Variants in ABCA9 observed in about 807,000 individuals in gnomAD.
The protein encoded by ABCA9 is ATP-binding cassette sub-family A member 9.
ABCA9 carries 183 observed loss-of-function variants against 205.3 expected under a neutral mutation model. The observed-to-expected ratio is 0.89, with a 90% CI of 0.79 to 1.01. ABCA9 has a LOEUF of 1.01. Ranked by LOEUF, ABCA9 falls within the 50% of genes least tolerant of loss-of-function variation. The probability of loss-of-function intolerance (pLI) is 0.00; values close to 1 mark genes in which losing one functional copy is unlikely to be tolerated. For synonymous variants in ABCA9, 651 were observed against 683.3 expected, an observed-to-expected ratio of 0.95 and a Z score of 0.74; for missense variants, 1,805 against 1,912.4, an observed-to-expected ratio of 0.94 and a Z score of 1.05.
Position 68,992,762 on chromosome 17 carries a change from G to A in ABCA9, c.3624+254C>T, listed in dbSNP as rs563018555. On this transcript the variant is annotated intron_variant, in intron 27 of 38. Transcript: ENST00000340001. ...CGGGAGGTGGAGGTTGTGGTGAGCT[G>A]AGATAGCGCCATTGCACTCCAGTCT... The A allele has an allele frequency of 1.6e-4, 53 of 325,926 alleles. 1 individual carries two copies. Among genetic ancestry groups the A allele is most frequent in the Non-Finnish European group, 4.0e-5 (7 of 176,952 alleles). 20.2% of individuals were successfully genotyped at this position (325,926 alleles called of 1,614,324 possible). A position where few individuals can be genotyped will look rare whatever the true frequency, so the allele number is the denominator to read the frequency against.
chr17:69,024,154 C>A, intron 17 of ABCA9, 60 bp downstream of exon 17: 1 of 1,558,168 alleles, frequency 6.4e-7, no homozygotes, highest in Non-Finnish European at 8.8e-7. Context: ...ATTCTTATCA[C>A]CACTGTTATT....
chr17:69,047,406 T>A (rs2071753262), intron 3 of ABCA9, among the ~76,000 whole-genome samples: 1 of 151,480 alleles, frequency 6.6e-6, no homozygotes, highest in Admixed American at 6.6e-5. Context: ...GGCTCACAGT[T>A]CTGCATGGCT....
chr17:69,067,331 G>A, the ABCA9 span, among the ~76,000 whole-genome samples: 1 of 151,898 alleles, frequency 6.6e-6, no homozygotes, highest in South Asian at 2.1e-4. Context: ...AGGATCTCTC[G>A]AGTCCAGAAG....
chr17:69,059,668 CA>C (rs1369838494), intron 1 of ABCA9, among the ~76,000 whole-genome samples: 3 of 106,856 alleles, frequency 2.8e-5, no homozygotes, highest in African/African-American at 5.2e-5. Flanking sequence ...AGTTTGTGGT[CA>C]TTTTTTTTTT....
At chr17:69,037,239 C>T (rs1391620033) in intron 6 of ABCA9, among the ~76,000 whole-genome samples, 1 of 152,094 alleles carries the variant, frequency 6.6e-6, no homozygotes, top group Non-Finnish European at 1.5e-5. Context: ...CAGAACTCTC[C>T]ACCCAAAATC....
intron 3 of ABCA9, among the ~76,000 whole-genome samples, chr17:69,046,866 G>A (rs923968128): frequency 7.8e-5 from 10 of 127,600 alleles, no homozygotes; most frequent in African/African-American, 2.4e-4. Flanking sequence ...GCCTGAAGGC[G>A]ATTTTATACT....
chr17:69,074,673 G>A, the ABCA9 span, among the ~76,000 whole-genome samples: 1 of 152,152 alleles, frequency 6.6e-6, no homozygotes, highest in Non-Finnish European at 1.5e-5. Context: ...CATCTCGGTT[G>A]ATTCCATGTC....
At position 69,007,778 on chromosome 17, in the gene ABCA9, C is replaced by T. The variant is rs1431581376; in HGVS notation, c.3416G>A (p.Trp1139Ter). 6.3e-7 allele frequency: 1 copy of T among 1,598,684 alleles called. No homozygotes were observed. Among genetic ancestry groups the T allele is most frequent in the Admixed American group, 1.7e-5 (1 of 59,780 alleles). Reference protein sequence around the residue: ...FRNGRKNSGIWSFFFLIVVIF... With the variant: ...FRNGRKNSGI ...ACTCACAATTAAGAAGAAAAATGAC[C>T]AAATGCCACTATTTTTTCTCCCATT... The change falls in exon 25 of 39, where the codon TGG becomes TAG. Residue 1139 changes from tryptophan (W) to a stop codon, truncating the protein, a stop_gained. Coordinates refer to ENST00000340001, the MANE Select transcript of ABCA9 (RefSeq NM_080283.4). LOFTEE classifies it high-confidence loss of function.
Position 69,044,537 on chromosome 17 carries a change from A to C in ABCA9, c.533T>G (p.Phe178Cys), listed in dbSNP as rs961369704. Residue 178 changes from phenylalanine (F) to cysteine (C), a missense_variant, in exon 5 of 39, where the codon TTT (phenylalanine) becomes TGT (cysteine). Phe to Cys is a radical substitution (Grantham distance 205). Transcript: ENST00000340001. The stretch of plus-strand genomic sequence containing the variant: ...ATTAATGGCAGCTTGAAAAGCTACA[A>C]AGCCTTTCTCCCAGAACTCTGAACC... ...CEGSEFWEKGFVAFQAAINAA... is the reference protein window; with the variant it reads ...CEGSEFWEKGCVAFQAAINAA... The C allele has an allele frequency of 1.7e-5, 27 of 1,613,140 alleles. No homozygotes were observed. The highest frequency in any genetic ancestry group is 2.0e-5 in the Non-Finnish European group (24 of 1,179,590).
In ABCA9 at chr17:69,027,723, G is replaced by A. The variant is rs771487427; in HGVS notation, c.1708C>T (p.Gln570Ter). ...FTGFCPQSNVQFGFLTVKENL... is the reference protein window; with the variant it reads ...FTGFCPQSNV ...TCTTTCACAGTGAGAAATCCAAATT[G>A]CACATTGGATTGTGGACAAAATCCA... The change falls in exon 13 of 39, where the codon CAA becomes TAA. Residue 570 changes from glutamine to a stop codon, truncating the protein, a stop_gained. Coordinates refer to ENST00000340001, the MANE Select transcript of ABCA9 (RefSeq NM_080283.4). LOFTEE classifies it high-confidence loss of function. The A allele has an allele frequency of 6.2e-6, 10 of 1,612,796 alleles. No individual in the cohort carries two copies. The African/African-American group carries it at 1.1e-4, about 17-fold the overall frequency.
chr17:68,997,785 CT>C (rs1222193900), intron 25 of ABCA9, among the ~76,000 whole-genome samples: 1 of 152,068 alleles, frequency 6.6e-6, no homozygotes, highest in Non-Finnish European at 1.5e-5. Context: ...ATTGATGAGC[CT>C]TATTGACACA....
intron 21 of ABCA9, 123 bp from the exon 22 acceptor site, chr17:69,016,513 T>G: frequency 1.2e-6 from 1 of 803,812 alleles, no homozygotes; most frequent in Admixed American, 3.2e-5. Context: ...CTGAATGTGA[T>G]TAATATCACT....
chr17:69,026,346 G>A (rs2070983470), intron 16 of ABCA9, 31 bp downstream of exon 16: 1 of 1,574,394 alleles, frequency 6.4e-7, no homozygotes, highest in South Asian at 1.1e-5. Flanking sequence ...TTCAGCATCT[G>A]TCAACACGTC....
At chr17:69,061,518 A>G (rs1280791516), upstream of ABCA9, among the ~76,000 whole-genome samples, 1 of 152,178 alleles carries the variant, frequency 6.6e-6, no homozygotes, top group East Asian at 1.9e-4. Context: ...CATTGTGTGC[A>G]TACTAATTGT....
chr17:68,990,775 A>C (rs1328678922), intron 29 of ABCA9, 62 bp downstream of exon 29: 1 of 1,585,538 alleles, frequency 6.3e-7, no homozygotes, highest in African/African-American at 1.4e-5. Context: ...TAAACTTAGA[A>C]AGTTTCTCAC....
Position 69,040,714 on chromosome 17 carries a change from AG to A in ABCA9, c.800+2774del, listed in dbSNP as rs576638756. On this transcript the variant is annotated intron_variant, in intron 6 of 38. Coordinates refer to ENST00000340001, the MANE Select transcript of ABCA9 (RefSeq NM_080283.4). ...TCTGCACATGTATCCCAGAACTTAAAGTATGATAAAAAATGTAAAAGAAATT... is the reference window on the plus strand; with the variant it reads ...TCTGCACATGTATCCCAGAACTTAAATATGATAAAAAATGTAAAAGAAATT... 5.3e-4 allele frequency among the ~76,000 whole-genome samples: 81 copies of A among 152,350 alleles called. 1 individual carries two copies. The South Asian group carries it at 0.015, about 28-fold the overall frequency.
chr17:69,009,262 G>C (rs73367923), intron 23 of ABCA9, among the ~76,000 whole-genome samples: 1 of 152,142 alleles, frequency 6.6e-6, no homozygotes, highest in Non-Finnish European at 1.5e-5. Context: ...CTTTCAAAGA[G>C]AAACGAATTG....
upstream of ABCA9, chr17:69,061,224 A>G: frequency 1.1e-6 from 1 of 902,272 alleles, no homozygotes; most frequent in Middle Eastern, 5.7e-4. Flanking sequence ...TTTTCATACA[A>G]GGCCCTAATG....
rs149312047 is a variant in ABCA9 at position 69,027,440 on chromosome 17, C to G, written c.1801G>C (p.Val601Leu). Residue 601 changes from valine to leucine, a missense_variant, in exon 14 of 39, where the codon GTT becomes CTT. Val to Leu is a conservative substitution (Grantham distance 32, BLOSUM62 1). Coordinates refer to ENST00000340001, the MANE Select transcript of ABCA9 (RefSeq NM_080283.4). ...TTTTCCATTTCTAATTCCTGTACAA[C>G]TCGTTGTACCTAATCAAATAAAGAA... ...PHEVEKEVQR[V>L]VQELEMENIQ... The G allele has an allele frequency of 1.9e-6, 3 of 1,607,028 alleles. No individual in the cohort carries two copies. The highest frequency in any genetic ancestry group is 2.5e-6 in the Non-Finnish European group (3 of 1,177,964).
Sources: allele counts gnomAD v4.1 joint callset (sites outside exome capture counted in the v4.1 genomes callset), GRCh38; gene constraint gnomAD v4.1.1; transcripts MANE v1.5; gene names NCBI Gene and HGNC (gene_info 2026-07-23, HGNC 2026-07-21).